PCSK5: variants seen among roughly 807,000 people sequenced by gnomAD.
PCSK5 encodes the protein prohormone convertase 5.
Under a neutral mutation model 233.2 loss-of-function variants are expected in PCSK5, and 129 were observed. That is an observed-to-expected ratio of 0.55 (90% CI 0.48 to 0.64). PCSK5 has a LOEUF of 0.64. Among genes scored for constraint, PCSK5 ranks in the 30% least tolerant of loss-of-function variants. The pLI is 0.00. For synonymous variants in PCSK5, 825 were observed against 879.2 expected, an observed-to-expected ratio of 0.94 and a Z score of 1.09; for missense variants, 2,076 against 2,430.1, an observed-to-expected ratio of 0.85 and a Z score of 3.06.
chr9:76,131,899 C>G (rs1188011860), intron 9 of PCSK5, among the ~76,000 whole-genome samples: 1 of 152,026 alleles, frequency 6.6e-6, no homozygotes, highest in Non-Finnish European at 1.5e-5. Flanking sequence ...TTTTAAATTA[C>G]TAGGTTGATT....
intron 9 of PCSK5, among the ~76,000 whole-genome samples, chr9:76,109,852 G>A (rs1324647783): frequency 6.6e-6 from 1 of 152,108 alleles, no homozygotes; most frequent in Non-Finnish European, 1.5e-5. Context: ...GTACTAAAAG[G>A]GTGGGTCAGA....
intron 22 of PCSK5, among the ~76,000 whole-genome samples, chr9:76,238,121 G>T (rs983899786): frequency 3.3e-5 from 5 of 152,178 alleles, no homozygotes; most frequent in African/African-American, 1.2e-4. Flanking sequence ...AGAGAAGATG[G>T]ATACCCCGAG....
At chr9:76,340,874 A>C (rs999025254) in intron 35 of PCSK5, among the ~76,000 whole-genome samples, 1 of 151,628 alleles carries the variant, frequency 6.6e-6, no homozygotes, top group Non-Finnish European at 1.5e-5. Flanking sequence ...AATCCAACCC[A>C]TCTATTTTTT....
rs768913619 is a variant in PCSK5 at position 76,359,764 on chromosome 9, A to G, written c.*842A>G. On this transcript the variant is annotated 3_prime_UTR_variant, in exon 38 of 38. Transcript: ENST00000674117. The stretch of plus-strand genomic sequence containing the variant: ...AGAAAAATGGCAGTGTTAACCTAAC[A>G]TAAAATGGAATAAAATGACAAACAC... The G allele has an allele frequency of 6.6e-6, 1 of 152,188 alleles. No individual in the cohort carries two copies. The highest frequency in any genetic ancestry group is 6.5e-5 in the Admixed American group (1 of 15,278). 9.4% of individuals were successfully genotyped at this position (152,188 alleles called of 1,614,324 possible).
intron 33 of PCSK5, among the ~76,000 whole-genome samples, chr9:76,330,445 C>T (rs1442121364): frequency 6.6e-6 from 1 of 152,092 alleles, no homozygotes; most frequent in African/African-American, 2.4e-5. Context: ...AAGCGTGAAA[C>T]TCCAAATAGA....
At chr9:76,344,707 T>C (rs1045544173) in intron 35 of PCSK5, among the ~76,000 whole-genome samples, 1 of 152,218 alleles carries the variant, frequency 6.6e-6, no homozygotes, top group Non-Finnish European at 1.5e-5. Flanking sequence ...GTGTGGGACC[T>C]TTATTCCAAC....
intron 1 of PCSK5, among the ~76,000 whole-genome samples, chr9:75,896,218 C>T (rs1047601586): frequency 2.6e-5 from 4 of 152,132 alleles, no homozygotes; most frequent in Non-Finnish European, 5.9e-5. Flanking sequence ...ATTCAGAGTG[C>T]ATGGTCTGGT....
chr9:76,263,831 A>C (rs1827256964), intron 24 of PCSK5, among the ~76,000 whole-genome samples: 1 of 152,172 alleles, frequency 6.6e-6, no homozygotes, highest in Non-Finnish European at 1.5e-5. Context: ...AAATGGAAAA[A>C]TATCCCATGC....
At chr9:76,198,916 G>A (rs1178873741) in intron 20 of PCSK5, among the ~76,000 whole-genome samples, 1 of 152,178 alleles carries the variant, frequency 6.6e-6, no homozygotes, top group Non-Finnish European at 1.5e-5. Flanking sequence ...CCATGCCCTT[G>A]CACTACAAGC....
At chr9:75,994,400 CTTT>C (rs550518074) in intron 3 of PCSK5, among the ~76,000 whole-genome samples, 3 of 82,062 alleles carry the variant, frequency 3.7e-5, no homozygotes, top group African/African-American at 1.8e-4. Flanking sequence ...TTCTTTCTTT[CTTT>C]TTTTTTTTTT....
At position 76,328,254 on chromosome 9, in the gene PCSK5, C is replaced by G. The variant is rs759945965; in HGVS notation, c.4570+15C>G. ...CCTTCTTCTCAGTGAGTTACTTCTC[C>G]GAGGACAGCTTTGTGTTTCCATCTC... On this transcript the variant is annotated intron_variant, in intron 33 of 37. Coordinates refer to ENST00000674117, the MANE Select transcript of PCSK5 (RefSeq NM_001372043.1). 1 of 1,565,882 alleles carries G rather than the reference C, an allele frequency of 6.4e-7. No individual in the cohort carries two copies. The highest frequency in any genetic ancestry group is 1.1e-5 in the South Asian group (1 of 90,150).
intron 2 of PCSK5, among the ~76,000 whole-genome samples, chr9:75,934,586 T>A (rs28453362): frequency 0.017 from 2,592 of 151,350 alleles, 73 homozygotes; most frequent in African/African-American, 0.056. Context: ...TTTTTTTTTT[T>A]AAATTTTTTT....
At chr9:76,205,085 C>T (rs903648424) in intron 20 of PCSK5, 4 of 518,608 alleles carry the variant, frequency 7.7e-6, no homozygotes, top group Non-Finnish European at 1.2e-5. Flanking sequence ...TCCACACTCT[C>T]ACCATATCTG....
chr9:76,230,887 G>A (rs923931996), intron 21 of PCSK5, among the ~76,000 whole-genome samples: 2 of 151,958 alleles, frequency 1.3e-5, no homozygotes, highest in Non-Finnish European at 2.9e-5. Context: ...ACGGTTAGTT[G>A]CATAATTATT....
At chr9:76,349,107 T>A (rs1830050477) in intron 35 of PCSK5, among the ~76,000 whole-genome samples, 1 of 56,948 alleles carries the variant, frequency 1.8e-5, no homozygotes, top group Admixed American at 2.6e-4. Flanking sequence ...CCGTCTCTAC[T>A]AAAAACATAA....
intron 24 of PCSK5, among the ~76,000 whole-genome samples, chr9:76,276,852 A>G (rs1277649613): frequency 6.6e-6 from 1 of 152,204 alleles, no homozygotes; most frequent in Non-Finnish European, 1.5e-5. Flanking sequence ...ACAAAACAGA[A>G]CAACCTGTCT....
At chr9:75,948,525 G>A (rs986116421) in intron 2 of PCSK5, among the ~76,000 whole-genome samples, 10 of 152,038 alleles carry the variant, frequency 6.6e-5, no homozygotes, top group African/African-American at 2.4e-4. Flanking sequence ...ATTCCATGGT[G>A]TATATGTGCC....
rs570483238 is a variant in PCSK5 at position 75,919,888 on chromosome 9, C to G, written c.193-12491C>G. Among the ~76,000 whole-genome samples, 18 of 152,302 alleles carry G rather than the reference C, an allele frequency of 1.2e-4. No homozygotes were observed. In the South Asian group the frequency reaches 1.5e-3, roughly 12 times the overall value. The stretch of plus-strand genomic sequence containing the variant: ...CAAGTGAACAAAAAGCATCTCTGGG[C>G]TGGGTGTGGTGGCTCACGTCTGTAA... On this transcript the variant is annotated intron_variant, in intron 1 of 37. Coordinates refer to ENST00000674117, the MANE Select transcript of PCSK5 (RefSeq NM_001372043.1).
intron 1 of PCSK5, among the ~76,000 whole-genome samples, chr9:75,923,032 G>T (rs1275853569): frequency 2.0e-5 from 3 of 152,150 alleles, no homozygotes; most frequent in Non-Finnish European, 4.4e-5. Context: ...GGTGAGACAG[G>T]GTGGGGATAC....
Sources: gnomAD v4.1 joint callset for allele counts (sites outside exome capture counted in the v4.1 genomes callset) on GRCh38, gnomAD v4.1.1 for gene constraint, MANE v1.5 for transcripts, NCBI Gene and HGNC (gene_info 2026-07-23, HGNC 2026-07-21) for gene names.